The following ROR2 variants were observed in gnomAD, a reference collection of about 807,000 sequenced individuals.
ROR2 encodes tyrosine-protein kinase transmembrane receptor ROR2.
ROR2 carries 33 observed loss-of-function variants against 74.9 expected under a neutral mutation model. That is an observed-to-expected ratio of 0.44 (90% CI 0.33 to 0.59). The LOEUF (loss-of-function observed/expected upper bound fraction) is 0.59, where lower values mean the gene tolerates loss of function less well. Ranked by LOEUF, ROR2 falls within the 20% of genes least tolerant of loss-of-function variation. The pLI is 0.02. For synonymous variants in ROR2, 586 were observed against 558.7 expected (o/e 1.05, Z -0.69); for missense variants, 1,216 against 1,313.8 (o/e 0.93, Z 1.15).
intron 1 of ROR2, among the ~76,000 whole-genome samples, chr9:91,801,740 CACAG>C (rs942182399): frequency 2.0e-5 from 3 of 152,220 alleles, no homozygotes; most frequent in Non-Finnish European, 4.4e-5. Context: ...GTTCACTCAA[CACAG>C]ACAGACCCCA....
intron 1 of ROR2, among the ~76,000 whole-genome samples, chr9:91,922,748 C>T (rs10046835): frequency 0.14 from 21,694 of 152,056 alleles, 3,427 homozygotes; most frequent in African/African-American, 0.39. Context: ...CCACCGCGCC[C>T]GACCAAGAAT....
chr9:91,739,717 G>A (rs537008694), intron 4 of ROR2, among the ~76,000 whole-genome samples: 82 of 152,254 alleles, frequency 5.4e-4, no homozygotes, highest in Non-Finnish European at 1.0e-3. Context: ...GTTAACTCCA[G>A]CTCACCAGCC....
chr9:91,746,223 C>T (rs3935603), intron 4 of ROR2, among the ~76,000 whole-genome samples: 68,731 of 151,746 alleles, frequency 0.45, 15,841 homozygotes, highest in Non-Finnish European at 0.49. Context: ...ATTACAGGCA[C>T]GCACCACCAC....
chr9:91,772,659 T>C lies in ROR2; in HGVS notation c.175+3082A>G, dbSNP rs542230360. Among the ~76,000 whole-genome samples the C allele has an allele frequency of 4.1e-4, 62 of 152,350 alleles. 1 individual carries two copies. In the South Asian group the frequency reaches 0.012, roughly 30 times the overall value. On this transcript the variant is annotated intron_variant, in intron 2 of 8. Coordinates refer to ENST00000375708, the MANE Select transcript of ROR2 (RefSeq NM_004560.4). Reference sequence around the variant, plus strand: ...CTTGACGGGCCACCTTTAGCGTCCGTGTTTCTGTGCTCTGGACAGGTCCGA... The same window carrying C: ...CTTGACGGGCCACCTTTAGCGTCCGCGTTTCTGTGCTCTGGACAGGTCCGA...
chr9:91,892,869 C>G lies in ROR2; in HGVS notation c.97+56998G>C, dbSNP rs561475976. ...CCTCCCAAAGTGCTGGGAATACAGGCGTGAGCCACCATGCCTGGCCACAGA... is the reference window on the plus strand; with the variant it reads ...CCTCCCAAAGTGCTGGGAATACAGGGGTGAGCCACCATGCCTGGCCACAGA... On this transcript the variant is annotated intron_variant, in intron 1 of 8. Transcript: ENST00000375708. Among the ~76,000 whole-genome samples, 107 of 152,250 alleles carry G rather than the reference C, an allele frequency of 7.0e-4. 1 individual carries two copies. Among genetic ancestry groups the G allele is most frequent in the Non-Finnish European group, 1.3e-3 (87 of 68,008 alleles).
intron 7 of ROR2, among the ~76,000 whole-genome samples, chr9:91,728,344 G>A (rs538500734): frequency 1.3e-5 from 2 of 152,338 alleles, no homozygotes; most frequent in South Asian, 4.1e-4. Flanking sequence ...CAACTATTCT[G>A]ACATATAGAC....
rs776761901 is a variant in ROR2, at chr9:91,726,590, G to A, written c.1337C>T (p.Ala446Val). Reference sequence around the variant, plus strand: ...CATTTCCATGTCTTGGCTGGGCGAGGCCATCAGCTGTCGCCGCTGCGGTGT... The same window carrying A: ...CATTTCCATGTCTTGGCTGGGCGAGACCATCAGCTGTCGCCGCTGCGGTGT... ...ASTPQRRQLM[A>V]SPSQDMEMPL... The change falls in exon 8 of 9, where the codon GCC becomes GTC. Residue 446 changes from alanine to valine, a missense_variant. By Grantham distance (64) the Ala-to-Val change is moderately conservative. Transcript: ENST00000375708. 6 of 1,613,496 alleles carry A rather than the reference G, an allele frequency of 3.7e-6. No homozygotes were observed.
At chr9:91,922,586 T>C (rs1831300322) in intron 1 of ROR2, among the ~76,000 whole-genome samples, 1 of 152,108 alleles carries the variant, frequency 6.6e-6, no homozygotes. Flanking sequence ...CCGAAGTAGC[T>C]GGGACTACAG....
intron 1 of ROR2, among the ~76,000 whole-genome samples, chr9:91,848,078 C>G (rs1488162726): frequency 6.6e-6 from 1 of 152,194 alleles, no homozygotes; most frequent in Non-Finnish European, 1.5e-5. Context: ...CTCGAGTCTT[C>G]TCTCACCATG....
intron 1 of ROR2, among the ~76,000 whole-genome samples, chr9:91,876,851 G>GA (rs1159939511): frequency 6.6e-6 from 1 of 151,902 alleles, no homozygotes; most frequent in East Asian, 1.9e-4. Context: ...AGAAAGAACA[G>GA]AAAAAAAGTG....
intron 1 of ROR2, among the ~76,000 whole-genome samples, chr9:91,937,905 A>C (rs1831744747): frequency 6.6e-6 from 1 of 152,062 alleles, no homozygotes; most frequent in Admixed American, 6.6e-5. Flanking sequence ...TTTTGTAGAA[A>C]CAGGGTCTTG....
chr9:91,729,616 C>A (rs1011274017), intron 7 of ROR2, among the ~76,000 whole-genome samples: 16 of 152,280 alleles, frequency 1.1e-4, no homozygotes, highest in African/African-American at 3.8e-4. Context: ...CTCGCTTCAC[C>A]GGCTGCTCTC....
At chr9:91,865,334 A>G (rs1330552018) in intron 1 of ROR2, among the ~76,000 whole-genome samples, 1 of 152,230 alleles carries the variant, frequency 6.6e-6, no homozygotes, top group Non-Finnish European at 1.5e-5. Flanking sequence ...TCTCCAGATT[A>G]GAGACACTCA....
intron 1 of ROR2, among the ~76,000 whole-genome samples, chr9:91,915,871 A>G (rs925490041): frequency 2.0e-5 from 3 of 152,148 alleles, no homozygotes; most frequent in African/African-American, 7.2e-5. Flanking sequence ...GCATTTTACA[A>G]TCCTCCTATA....
intron 1 of ROR2, among the ~76,000 whole-genome samples, chr9:91,947,703 A>G (rs757658216): frequency 3.9e-4 from 60 of 152,334 alleles, no homozygotes; most frequent in Non-Finnish European, 7.5e-4. Flanking sequence ...ATTTGTCATC[A>G]GAGGAAACAG....
chr9:91,909,847 G>GTTTTTTTTTTT (rs71362365), intron 1 of ROR2, among the ~76,000 whole-genome samples: 1,725 of 53,706 alleles, frequency 0.032, 45 homozygotes, highest in South Asian at 0.048. Flanking sequence ...GGTTTGTTTT[G>GTTTTTTTTTTT]TTTTTTTTTT....
intron 1 of ROR2, among the ~76,000 whole-genome samples, chr9:91,889,490 G>A (rs745568604): frequency 3.9e-5 from 6 of 152,142 alleles, no homozygotes; most frequent in Admixed American, 1.3e-4. Context: ...GTTGCCAGGC[G>A]ACTCCAGACC....
chr9:91,774,908 C>T (rs1826366383), intron 2 of ROR2, among the ~76,000 whole-genome samples: 1 of 152,224 alleles, frequency 6.6e-6, no homozygotes, highest in Admixed American at 6.5e-5. Context: ...TCCCAAAGAA[C>T]CGCCTATAGG....
rs1011686920 is a variant in ROR2 at position 91,722,902 on chromosome 9, A to T, written c.*760T>A. On this transcript the variant is annotated 3_prime_UTR_variant, in exon 9 of 9. Transcript: ENST00000375708. Reference sequence around the variant, plus strand: ...TACATGATTCTTAACAAAAATAACAATACCGTGTTCTGTACAATACTGCTT... The same window carrying T: ...TACATGATTCTTAACAAAAATAACATTACCGTGTTCTGTACAATACTGCTT... 2.4e-6 allele frequency: 1 copy of T among 412,102 alleles called. No individual in the cohort carries two copies. The allele number at this position is 412,102 out of a possible 1,614,324, so 25.5% of individuals were successfully genotyped here.
Sources: gnomAD v4.1 joint callset for allele counts (sites outside exome capture counted in the v4.1 genomes callset) on GRCh38, gnomAD v4.1.1 for gene constraint, MANE v1.5 for transcripts, NCBI Gene and HGNC (gene_info 2026-07-23, HGNC 2026-07-21) for gene names.